The following BAG2 variants were observed in gnomAD, a reference collection of about 807,000 sequenced individuals.
The protein encoded by BAG2 is BAG family molecular chaperone regulator 2.
Under a neutral mutation model 16.4 loss-of-function variants are expected in BAG2, and 8 were observed. The ratio of observed to expected loss-of-function variants is 0.49; its 90% CI spans 0.29 to 0.88. The LOEUF (loss-of-function observed/expected upper bound fraction) is 0.88. Ranked by LOEUF, BAG2 falls within the 40% of genes least tolerant of loss-of-function variation. The pLI is 0.09. For synonymous variants in BAG2, 82 were observed against 89.2 expected (o/e 0.92, Z 0.46); for missense variants, 218 against 248.9 (o/e 0.88, Z 0.84).
Position 57,172,635 on chromosome 6 carries a change from C to A in BAG2, c.-63C>A. On this transcript the variant is annotated 5_prime_UTR_variant, in exon 1 of 3. Transcript: ENST00000370693. ...ACGGCGACGCCTGCAGCCCAAGGAGCGCTCCACTCGCTGCCGCCGGAGGGG... is the reference window on the plus strand; with the variant it reads ...ACGGCGACGCCTGCAGCCCAAGGAGAGCTCCACTCGCTGCCGCCGGAGGGG... 2 of 1,343,198 alleles carry A rather than the reference C, an allele frequency of 1.5e-6. No homozygotes were observed. The highest frequency in any genetic ancestry group is 2.0e-6 in the Non-Finnish European group (2 of 1,012,924). The allele number at this position is 1,343,198 out of a possible 1,614,324, so 83.2% of individuals were successfully genotyped here.
chr6:57,180,908 A>G (rs1363220596), intron 1 of BAG2, among the ~76,000 whole-genome samples: 2 of 152,246 alleles, frequency 1.3e-5, no homozygotes, highest in African/African-American at 2.4e-5. Flanking sequence ...TATACAAATC[A>G]ACAAGGGAAC....
At chr6:57,174,233 C>G in intron 1 of BAG2, 3 of 1,198,560 alleles carry the variant, frequency 2.5e-6, no homozygotes, top group Non-Finnish European at 3.2e-6. Flanking sequence ...ACACATCTCT[C>G]CATGTCTTCA....
rs1255600022 is a variant in BAG2 at position 57,172,756 on chromosome 6, C to A, written c.59C>A (p.Ser20Tyr). The A allele has an allele frequency of 1.3e-6, 2 of 1,581,958 alleles. No individual in the cohort carries two copies. Among genetic ancestry groups the A allele is most frequent in the South Asian group, 2.3e-5 (2 of 86,182 alleles). The stretch of plus-strand genomic sequence containing the variant: ...GAGGGGCGCTTCTGCCGCTCCTCCT[C>A]CATGGCTGACCGCTCCAGCCGCCTG... ...ANEGRFCRSS[S>Y]MADRSSRLLE... The change falls in exon 1 of 3, where the codon TCC (serine) becomes TAC (tyrosine). Residue 20 changes from serine (S) to tyrosine (Y), a missense_variant. By Grantham distance (144) the Ser-to-Tyr change is moderately radical. Around this residue, in one of 3 missense-constraint regions of BAG2, gnomAD observed 75 missense variants for 63.1 expected, o/e 1.19. Coordinates refer to ENST00000370693, the MANE Select transcript of BAG2 (RefSeq NM_004282.4).
chr6:57,183,900 A>C lies in BAG2; in HGVS notation c.346A>C (p.Ile116Leu). 1 of 1,614,156 alleles carries C rather than the reference A, an allele frequency of 6.2e-7. No homozygotes were observed. Among genetic ancestry groups the C allele is most frequent in the Non-Finnish European group, 8.5e-7 (1 of 1,180,030 alleles). ...AGAATCCCTAAAGCATGCCACAAGG[A>C]TTATTGATGAGGTGGTCAATAAGTT... ...QQESLKHATR[I>L]IDEVVNKFLD... Residue 116 changes from isoleucine (I) to leucine (L), a missense_variant, in exon 3 of 3, where the codon ATT becomes CTT. Around this residue, in one of 3 missense-constraint regions of BAG2, gnomAD observed 113 missense variants for 128.0 expected, o/e 0.88. Coordinates refer to ENST00000370693, the MANE Select transcript of BAG2 (RefSeq NM_004282.4).
Position 57,189,486 on chromosome 6 carries a change from C to T in BAG2, c.*5296C>T, listed in dbSNP as rs1178973523. The T allele has an allele frequency of 6.6e-6, 1 of 152,164 alleles. No individual in the cohort carries two copies. Among genetic ancestry groups the T allele is most frequent in the Non-Finnish European group, 1.5e-5 (1 of 68,042 alleles). 9.4% of individuals were successfully genotyped at this position (152,164 alleles called of 1,614,324 possible). A position where few individuals can be genotyped will look rare whatever the true frequency, so the allele number is the denominator to read the frequency against. On this transcript the variant is annotated 3_prime_UTR_variant, in exon 3 of 3. Coordinates refer to ENST00000370693, the MANE Select transcript of BAG2 (RefSeq NM_004282.4). Reference sequence around the variant, plus strand: ...GCATCACCACACTTCACAGGACCTCCTGAATGACTGCAGATGTGCTGTGTA... The same window carrying T: ...GCATCACCACACTTCACAGGACCTCTTGAATGACTGCAGATGTGCTGTGTA...
In BAG2 at chr6:57,172,702, C is replaced by T; in HGVS notation, c.5C>T (p.Ala2Val). ...TACCCCGCGTCGGAGGCTTAGATGG[C>T]TCAGGCGAAGATCAACGCTAAAGCC... MAQAKINAKANE... is the reference protein window; with the variant it reads MVQAKINAKANE... Residue 2 changes from alanine (A) to valine (V), a missense_variant, in exon 1 of 3, where the codon GCT (alanine) becomes GTT (valine). Coordinates refer to ENST00000370693, the MANE Select transcript of BAG2 (RefSeq NM_004282.4). 1.3e-6 allele frequency: 2 copies of T among 1,564,346 alleles called. No homozygotes were observed. The highest frequency in any genetic ancestry group is 2.4e-5 in the South Asian group (2 of 84,344).
At chr6:57,173,460 C>T (rs1224677244) in intron 1 of BAG2, 1 of 985,168 alleles carries the variant, frequency 1.0e-6, no homozygotes, top group East Asian at 1.1e-4. Flanking sequence ...GTTCGTCTCT[C>T]GGTATTTATT....
intron 1 of BAG2, chr6:57,173,319 C>G (rs931243618): frequency 2.0e-6 from 2 of 985,300 alleles, no homozygotes; most frequent in Admixed American, 6.1e-5. Context: ...CAAAACCAAC[C>G]CAGCAATCCA....
chr6:57,172,930 AC>A, intron 1 of BAG2, 120 bp downstream of exon 1: 1 of 894,160 alleles, frequency 1.1e-6, no homozygotes, highest in Non-Finnish European at 1.6e-6. Flanking sequence ...GGCTGCGGCA[AC>A]CGAAGTTGCT....
rs1317140719 is a variant in BAG2 at position 57,186,669 on chromosome 6, AT to A, written c.*2483del. 1 of 152,050 alleles carries A rather than the reference AT, an allele frequency of 6.6e-6. No homozygotes were observed. Among genetic ancestry groups the A allele is most frequent in the African/African-American group, 2.4e-5 (1 of 41,386 alleles). 9.4% of individuals were successfully genotyped at this position (152,050 alleles called of 1,614,324 possible). A position where few individuals can be genotyped will look rare whatever the true frequency, so the allele number is the denominator to read the frequency against. On this transcript the variant is annotated 3_prime_UTR_variant, in exon 3 of 3. Transcript: ENST00000370693. ...ATTTATAAGAATGGGAGTATAATTT[AT>A]TTTCAAATGATGATGAATCTCCTGA...
intron 1 of BAG2, among the ~76,000 whole-genome samples, chr6:57,176,706 T>C (rs1764295297): frequency 6.6e-6 from 1 of 152,232 alleles, no homozygotes; most frequent in Non-Finnish European, 1.5e-5. Flanking sequence ...ATCATTCGTC[T>C]GGCTTAAAGT....
At position 57,189,415 on chromosome 6, in the gene BAG2, G is replaced by T. The variant is rs1020748238; in HGVS notation, c.*5225G>T. ...CTTTAAAAATGGTTAGTGTAATCTTGTAAGTTCAAAGCTGGGTTCTCAGTG... is the reference window on the plus strand; with the variant it reads ...CTTTAAAAATGGTTAGTGTAATCTTTTAAGTTCAAAGCTGGGTTCTCAGTG... On this transcript the variant is annotated 3_prime_UTR_variant, in exon 3 of 3. Coordinates refer to ENST00000370693, the MANE Select transcript of BAG2 (RefSeq NM_004282.4). The T allele has an allele frequency of 1.3e-5, 2 of 152,152 alleles. No homozygotes were observed. The highest frequency in any genetic ancestry group is 6.5e-5 in the Admixed American group (1 of 15,274). 9.4% of individuals were successfully genotyped at this position (152,152 alleles called of 1,614,324 possible). A position where few individuals can be genotyped will look rare whatever the true frequency, so the allele number is the denominator to read the frequency against.
intron 1 of BAG2, chr6:57,173,048 C>A: frequency 2.7e-6 from 2 of 732,800 alleles, no homozygotes; most frequent in Non-Finnish European, 3.7e-6. Flanking sequence ...CCTGTGAGGG[C>A]GTTATCGGTG....
chr6:57,187,812 C>T lies in BAG2; in HGVS notation c.*3622C>T, dbSNP rs1764664629. The T allele has an allele frequency of 6.6e-6, 1 of 152,074 alleles. No individual in the cohort carries two copies. The highest frequency in any genetic ancestry group is 2.4e-5 in the African/African-American group (1 of 41,408). The allele number at this position is 152,074 out of a possible 1,614,324, so 9.4% of individuals were successfully genotyped here. A position where few individuals can be genotyped will look rare whatever the true frequency, so the allele number is the denominator to read the frequency against. On this transcript the variant is annotated 3_prime_UTR_variant, in exon 3 of 3. Transcript: ENST00000370693. Reference sequence around the variant, plus strand: ...TAAAGCAACCACCTAGAACTTCACTCCATAATGAGGAAAAAGTTTTCATCC... The same window carrying T: ...TAAAGCAACCACCTAGAACTTCACTTCATAATGAGGAAAAAGTTTTCATCC...
chr6:57,172,869 G>A, intron 1 of BAG2, 59 bp downstream of exon 1: 1 of 1,360,654 alleles, frequency 7.3e-7, no homozygotes, highest in South Asian at 1.6e-5. Flanking sequence ...GTTCGCGGGC[G>A]GTTAGCGGAC....
chr6:57,173,055 G>C, intron 1 of BAG2: 1 of 796,414 alleles, frequency 1.3e-6, no homozygotes, highest in Non-Finnish European at 1.7e-6. Context: ...GGGCGTTATC[G>C]GTGGCCACAC....
At position 57,173,488 on chromosome 6, in the gene BAG2, G is replaced by T. The variant is rs182763903; in HGVS notation, c.113+678G>T. 48 of 985,294 alleles carry T rather than the reference G, an allele frequency of 4.9e-5. No homozygotes were observed. In the African/African-American group the frequency reaches 7.2e-4, roughly 15 times the overall value. 61.0% of individuals were successfully genotyped at this position (985,294 alleles called of 1,614,324 possible). A position where few individuals can be genotyped will look rare whatever the true frequency, so the allele number is the denominator to read the frequency against. On this transcript the variant is annotated intron_variant, in intron 1 of 2. Transcript: ENST00000370693. ...TATTTATTGGGCACCTCCCTACATA[G>T]AAGACTAAGTGCTAGTTACTGGCCT...
At chr6:57,173,723 AT>A (rs1225667655) in intron 1 of BAG2, 1 of 183,732 alleles carries the variant, frequency 5.4e-6, no homozygotes, top group African/African-American at 2.4e-5. Context: ...TTAAAAGAAA[AT>A]CTTGTTAGGC....
In BAG2 at chr6:57,185,824, C is replaced by G. The variant is rs959136784; in HGVS notation, c.*1634C>G. ...TCAGCATCCGTAAATCCCTTCCACT[C>G]TGGGAAATACTACTGCTCCCTGCTT... On this transcript the variant is annotated 3_prime_UTR_variant, in exon 3 of 3. Transcript: ENST00000370693. 1.2e-4 allele frequency: 18 copies of G among 152,252 alleles called. No individual in the cohort carries two copies. Among genetic ancestry groups the G allele is most frequent in the African/African-American group, 4.3e-4 (18 of 41,454 alleles). 9.4% of individuals were successfully genotyped at this position (152,252 alleles called of 1,614,324 possible). A position where few individuals can be genotyped will look rare whatever the true frequency, so the allele number is the denominator to read the frequency against.
Sources: allele counts gnomAD v4.1 joint callset (sites outside exome capture counted in the v4.1 genomes callset), GRCh38; gene constraint gnomAD v4.1.1; regional missense constraint gnomAD v4.1.1; transcripts MANE v1.5; gene names NCBI Gene and HGNC (gene_info 2026-07-23, HGNC 2026-07-21).